The following DAB1 variants were observed in gnomAD, a reference collection of about 807,000 sequenced individuals.
DAB1 encodes DAB adaptor protein 1, also known as disabled homolog 1.
In DAB1, 15 loss-of-function variants were observed where a neutral mutation model predicts 64.6. The ratio of observed to expected loss-of-function variants is 0.23; its 90% CI spans 0.16 to 0.36. The LOEUF (loss-of-function observed/expected upper bound fraction) is 0.36, where lower values mean the gene tolerates loss of function less well. Ranked by LOEUF, DAB1 falls within the 10% of genes least tolerant of loss-of-function variation. The pLI is 1.00. For missense variants in DAB1, 596 were observed against 706.7 expected (o/e 0.84, Z 1.78); for synonymous variants, 235 against 251.9 (o/e 0.93, Z 0.64).
intron 7 of DAB1, among the ~76,000 whole-genome samples, chr1:57,584,935 AT>A (rs1645359196): frequency 6.8e-6 from 1 of 146,502 alleles, no homozygotes; most frequent in Non-Finnish European, 1.5e-5. Flanking sequence ...AAATTCCTCT[AT>A]ATCGAATTCT....
At chr1:57,996,927 G>A (rs977412671) in intron 5 of DAB1, among the ~76,000 whole-genome samples, 1 of 152,118 alleles carries the variant, frequency 6.6e-6, no homozygotes, top group Non-Finnish European at 1.5e-5. Flanking sequence ...TGTTAGAGTA[G>A]GTAGTTAGGC....
chr1:57,022,561 A>G (rs1160866608), intron 11 of DAB1, among the ~76,000 whole-genome samples: 1 of 152,266 alleles, frequency 6.6e-6, no homozygotes, highest in Non-Finnish European at 1.5e-5. Flanking sequence ...ATTTTAGAAC[A>G]GGGTATGCAT....
At chr1:57,148,657 A>C (rs546583) in intron 2 of DAB1, among the ~76,000 whole-genome samples, 43,400 of 152,066 alleles carry the variant, frequency 0.29, 7,591 homozygotes, top group Middle Eastern at 0.47. Flanking sequence ...GTTTAAGGAA[A>C]ATCACCCATA....
intron 6 of DAB1, among the ~76,000 whole-genome samples, chr1:57,795,477 G>T (rs553448236): frequency 6.6e-6 from 1 of 151,618 alleles, no homozygotes; most frequent in African/African-American, 2.4e-5. Flanking sequence ...CATAGAAATG[G>T]AAATACAGGT....
intron 7 of DAB1, among the ~76,000 whole-genome samples, chr1:57,457,074 T>C (rs889078364): frequency 1.3e-5 from 2 of 152,102 alleles, no homozygotes; most frequent in Non-Finnish European, 2.9e-5. Flanking sequence ...AATTATAAAA[T>C]TGGCAGAGAT....
chr1:58,345,901 C>G, intron 3 of DAB1, among the ~76,000 whole-genome samples: 1 of 152,156 alleles, frequency 6.6e-6, no homozygotes, highest in East Asian at 1.9e-4. Flanking sequence ...CCCTCCCCGT[C>G]CTGGGTCAAT....
intron 3 of DAB1, among the ~76,000 whole-genome samples, chr1:58,428,204 C>T (rs529484978): frequency 1.3e-5 from 2 of 152,264 alleles, no homozygotes; most frequent in Admixed American, 1.3e-4. Flanking sequence ...AGGCAGTAAT[C>T]ATCAATGGCA....
At chr1:58,155,161 T>C (rs1655153454) in intron 4 of DAB1, among the ~76,000 whole-genome samples, 1 of 152,216 alleles carries the variant, frequency 6.6e-6, no homozygotes, top group Admixed American at 6.5e-5. Flanking sequence ...CAAAGCTGTC[T>C]GCAGGTGTTG....
intron 6 of DAB1, among the ~76,000 whole-genome samples, chr1:57,724,805 C>T (rs1005316148): frequency 2.6e-5 from 4 of 152,190 alleles, no homozygotes; most frequent in African/African-American, 9.6e-5. Context: ...CTTAATTCTC[C>T]TACTGCCCCA....
intron 5 of DAB1, among the ~76,000 whole-genome samples, chr1:57,996,751 C>T (rs886735140): frequency 6.6e-6 from 1 of 152,122 alleles, no homozygotes; most frequent in Non-Finnish European, 1.5e-5. Flanking sequence ...AATGTTGGGA[C>T]AAATTATTTT....
At chr1:58,258,161 C>T (rs1310332572) in intron 4 of DAB1, among the ~76,000 whole-genome samples, 1 of 151,982 alleles carries the variant, frequency 6.6e-6, no homozygotes, top group Non-Finnish European at 1.5e-5. Context: ...TCTTCGCACA[C>T]CAGGAGGAGT....
intron 1 of DAB1, among the ~76,000 whole-genome samples, chr1:57,391,726 A>G (rs570532873): frequency 1.3e-5 from 2 of 150,614 alleles, no homozygotes; most frequent in African/African-American, 4.9e-5. Flanking sequence ...GCCCTAATCC[A>G]TCTGTGCATT....
chr1:58,002,247 C>G (rs913908680), intron 5 of DAB1, among the ~76,000 whole-genome samples: 1 of 152,134 alleles, frequency 6.6e-6, no homozygotes, highest in Non-Finnish European at 1.5e-5. Context: ...TTGGACGGTC[C>G]CTCTGTTTGG....
chr1:57,974,075 T>C lies in DAB1; in HGVS notation n.388-89913A>G, dbSNP rs572611327. On this transcript the variant is annotated intron_variant and non_coding_transcript_variant, in intron 5 of 20. Coordinates refer to the DAB1 transcript ENST00000485760. ...GTCCTTGATCCAGGCACACTAGCCT[T>C]CTTTCTGCTCATGAAACACGCCAAG... is the stretch of plus-strand genomic sequence containing the variant. 1.1e-3 allele frequency among the ~76,000 whole-genome samples: 172 copies of C among 152,254 alleles called. 1 individual carries two copies. Among genetic ancestry groups the C allele is most frequent in the Non-Finnish European group, 4.6e-4 (31 of 68,014 alleles).
intron 5 of DAB1, among the ~76,000 whole-genome samples, chr1:57,940,092 A>C (rs1377340067): frequency 6.6e-6 from 1 of 152,250 alleles, no homozygotes; most frequent in Non-Finnish European, 1.5e-5. Context: ...GTAGAACTCC[A>C]GGAAATGCTG....
intron 1 of DAB1, among the ~76,000 whole-genome samples, chr1:57,305,012 C>T (rs1674011811): frequency 6.6e-6 from 1 of 152,218 alleles, no homozygotes; most frequent in African/African-American, 2.4e-5. Flanking sequence ...TCCAATAACA[C>T]ACTTCCTCAC....
At chr1:57,089,556 T>A (rs1048872451) in intron 4 of DAB1, among the ~76,000 whole-genome samples, 2 of 150,898 alleles carry the variant, frequency 1.3e-5, no homozygotes, top group South Asian at 4.2e-4. Context: ...AGCAGGGGCA[T>A]GAGAGAGTGA....
intron 3 of DAB1, among the ~76,000 whole-genome samples, chr1:58,482,424 A>G (rs1483797480): frequency 1.3e-5 from 2 of 152,228 alleles, no homozygotes; most frequent in East Asian, 1.9e-4. Flanking sequence ...TTAACTCTTC[A>G]AAGTGGGTAT....
chr1:57,654,194 G>A (rs1418309336), intron 6 of DAB1, among the ~76,000 whole-genome samples: 2 of 151,904 alleles, frequency 1.3e-5, no homozygotes, highest in Non-Finnish European at 2.9e-5. Flanking sequence ...ATAGAAGGGA[G>A]ACAACACACA....
Sources: allele counts gnomAD v4.1 joint callset (sites outside exome capture counted in the v4.1 genomes callset), GRCh38; gene constraint gnomAD v4.1.1; transcripts MANE v1.5; gene names NCBI Gene and HGNC (gene_info 2026-07-23, HGNC 2026-07-21).